The following CSMD1 variants were observed in gnomAD, a reference collection of about 807,000 sequenced individuals.
CSMD1 encodes the protein CUB and Sushi multiple domains 1, also known as CUB and sushi domain-containing protein 1.
A neutral mutation model predicts 417.5 loss-of-function variants in CSMD1; 213 were observed. The ratio of observed to expected loss-of-function variants is 0.51; its 90% CI spans 0.46 to 0.57. The LOEUF is 0.57. Among genes scored for constraint, CSMD1 ranks in the 20% least tolerant of loss-of-function variants. The pLI is 0.00. For missense variants in CSMD1, 6,923 were observed against 4,529.7 expected, an observed-to-expected ratio of 1.53 and a Z score of -15.17; for synonymous variants, 2,862 against 1,736.8, an observed-to-expected ratio of 1.65 and a Z score of -16.11.
intron 1 of CSMD1, among the ~76,000 whole-genome samples, chr8:4,963,732 C>A (rs1809670678): frequency 6.6e-6 from 1 of 152,148 alleles, no homozygotes; most frequent in African/African-American, 2.4e-5. Flanking sequence ...TTTTAACACT[C>A]AACTCAAGTT....
intron 4 of CSMD1, among the ~76,000 whole-genome samples, chr8:4,006,430 G>T (rs1214462964): frequency 6.6e-6 from 1 of 152,176 alleles, no homozygotes; most frequent in Non-Finnish European, 1.5e-5. Flanking sequence ...TGTAATTCCA[G>T]CTTCTTGGGA....
At chr8:3,014,170 C>G (rs1808644461) in intron 52 of CSMD1, among the ~76,000 whole-genome samples, 1 of 149,136 alleles carries the variant, frequency 6.7e-6, no homozygotes, top group Non-Finnish European at 1.5e-5. Context: ...CAACTATGCC[C>G]TGATCGAAGA....
At chr8:2,956,538 C>A (rs957138499) in intron 63 of CSMD1, among the ~76,000 whole-genome samples, 1 of 152,070 alleles carries the variant, frequency 6.6e-6, no homozygotes, top group African/African-American at 2.4e-5. Context: ...GCTGCAAGCT[C>A]CTCCTCCTGG....
chr8:4,371,797 G>C (rs1271959209), intron 3 of CSMD1, among the ~76,000 whole-genome samples: 2 of 152,162 alleles, frequency 1.3e-5, no homozygotes, highest in South Asian at 4.1e-4. Flanking sequence ...AATTCATGTT[G>C]TTGGACTGCC....
intron 11 of CSMD1, among the ~76,000 whole-genome samples, chr8:3,480,017 G>C (rs1172217503): frequency 1.3e-5 from 2 of 152,140 alleles, no homozygotes; most frequent in African/African-American, 4.8e-5. Context: ...GTGAACTTGA[G>C]ATCAATGGAA....
intron 2 of CSMD1, among the ~76,000 whole-genome samples, chr8:4,441,823 A>C (rs1201173077): frequency 6.6e-6 from 1 of 152,174 alleles, no homozygotes; most frequent in Non-Finnish European, 1.5e-5. Flanking sequence ...TCAAACACTG[A>C]AGTTTGAGTA....
At chr8:4,042,265 A>G (rs1292823583) in intron 3 of CSMD1, among the ~76,000 whole-genome samples, 1 of 152,188 alleles carries the variant, frequency 6.6e-6, no homozygotes, top group East Asian at 1.9e-4. Context: ...CAATGAAGAA[A>G]AAATCTTTAA....
chr8:3,307,024 C>A (rs1359295857), intron 25 of CSMD1, among the ~76,000 whole-genome samples: 1 of 124,480 alleles, frequency 8.0e-6, no homozygotes, highest in East Asian at 2.3e-4. Context: ...CTCAAAGTTA[C>A]TTTGGTATAA....
chr8:4,764,904 C>CAAAA lies in CSMD1; in HGVS notation c.86-127350_86-127347dup, dbSNP rs113966698. ...AAAAAAAAAAAAAAAACAACAACAA[C>CAAAA]AAAAAAAAACCTTTGCTGAGGATGG... On this transcript the variant is annotated intron_variant, in intron 1 of 69. Coordinates refer to ENST00000635120, the MANE Select transcript of CSMD1 (RefSeq NM_033225.6). 2.9e-4 allele frequency among the ~76,000 whole-genome samples: 35 copies of CAAAA among 122,670 alleles called. 1 individual carries two copies. The highest frequency in any genetic ancestry group is 5.7e-4 in the African/African-American group (18 of 31,388). The allele number at this position is 122,670 out of a possible 152,430, so 80.5% of individuals were successfully genotyped here.
At chr8:3,294,182 T>G (rs2897416) in intron 25 of CSMD1, among the ~76,000 whole-genome samples, 6 of 151,954 alleles carry the variant, frequency 3.9e-5, no homozygotes, top group Non-Finnish European at 8.8e-5. Flanking sequence ...ATCATTCCTC[T>G]GGAAGTTTTG....
chr8:3,336,384 CCT>C (rs1375492353), intron 23 of CSMD1, among the ~76,000 whole-genome samples: 2 of 152,128 alleles, frequency 1.3e-5, no homozygotes, highest in African/African-American at 2.4e-5. Context: ...TTTCATGACC[CCT>C]GTTATACAGA....
intron 2 of CSMD1, among the ~76,000 whole-genome samples, chr8:4,421,043 A>G (rs1797224283): frequency 6.6e-6 from 1 of 152,158 alleles, no homozygotes; most frequent in Admixed American, 6.6e-5. Context: ...CAGTCCCCTT[A>G]AAGAGACTCA....
intron 2 of CSMD1, among the ~76,000 whole-genome samples, chr8:4,458,271 A>T (rs1216339396): frequency 6.6e-6 from 1 of 152,196 alleles, no homozygotes; most frequent in Non-Finnish European, 1.5e-5. Flanking sequence ...ACAAAAAATG[A>T]CACTCAATGA....
intron 1 of CSMD1, among the ~76,000 whole-genome samples, chr8:4,773,950 C>A (rs546929999): frequency 6.6e-6 from 1 of 152,226 alleles, no homozygotes; most frequent in Admixed American, 6.5e-5. Flanking sequence ...AATCTCAGCA[C>A]TTTTTGAGGC....
intron 3 of CSMD1, among the ~76,000 whole-genome samples, chr8:4,188,485 T>TG (rs1798814329): frequency 6.6e-6 from 1 of 152,114 alleles, no homozygotes; most frequent in African/African-American, 2.4e-5. Flanking sequence ...CCATCAACCA[T>TG]GGTTAAACCT....
intron 5 of CSMD1, among the ~76,000 whole-genome samples, chr8:3,954,274 C>T (rs962918775): frequency 1.3e-5 from 2 of 152,188 alleles, no homozygotes; most frequent in Non-Finnish European, 2.9e-5. Flanking sequence ...GACCTTAGAA[C>T]AGGAAAGGAA....
At chr8:3,960,900 A>C (rs2740834) in intron 5 of CSMD1, among the ~76,000 whole-genome samples, 69,888 of 151,764 alleles carry the variant, frequency 0.46, 17,031 homozygotes, top group East Asian at 0.79. Context: ...CATATCACAA[A>C]AGTCCTCTAG....
intron 5 of CSMD1, among the ~76,000 whole-genome samples, chr8:3,762,870 G>C (rs779966826): frequency 6.6e-6 from 1 of 152,220 alleles, no homozygotes; most frequent in Non-Finnish European, 1.5e-5. Context: ...TGGACAGTGT[G>C]AGGAAGCTGC....
At chr8:3,708,303 G>C (rs1301336828) in intron 7 of CSMD1, 111 bp downstream of exon 7, 1 of 799,004 alleles carries the variant, frequency 1.3e-6, no homozygotes, top group Non-Finnish European at 2.1e-6. Flanking sequence ...TAGAAAAGAA[G>C]GAAGAGATAA....
Sources: allele counts gnomAD v4.1 joint callset (sites outside exome capture counted in the v4.1 genomes callset), GRCh38; gene constraint gnomAD v4.1.1; transcripts MANE v1.5; gene names NCBI Gene and HGNC (gene_info 2026-07-23, HGNC 2026-07-21).